Variants in SLIT1 observed in about 807,000 individuals in gnomAD.
SLIT1 encodes slit homolog 1 protein.
In SLIT1, 66 loss-of-function variants were observed where a neutral mutation model predicts 186.1. That is an observed-to-expected ratio of 0.35 (90% confidence interval 0.29 to 0.44). The LOEUF (loss-of-function observed/expected upper bound fraction) is 0.44. Ranked by LOEUF, SLIT1 falls within the 20% of genes least tolerant of loss-of-function variation. The pLI is 1.00. For missense variants in SLIT1, 1,638 were observed against 2,037.4 expected, an observed-to-expected ratio of 0.80 and a Z score of 3.77; for synonymous variants, 761 against 833.8, an observed-to-expected ratio of 0.91 and a Z score of 1.50.
At position 97,100,791 on chromosome 10, in the gene SLIT1, G is replaced by A. The variant is rs1480076794; in HGVS notation, c.414-34705C>T. On this transcript the variant is annotated intron_variant, in intron 4 of 36. Coordinates refer to ENST00000266058, the MANE Select transcript of SLIT1 (RefSeq NM_003061.3). Reference sequence around the variant, plus strand: ...CAATACTGCTCCCCACCAAGGAGGGGCTCCCACTGCCACCCGTTGGTACGC... The same window carrying A: ...CAATACTGCTCCCCACCAAGGAGGGACTCCCACTGCCACCCGTTGGTACGC... Among the ~76,000 whole-genome samples, 8 of 152,336 alleles carry A rather than the reference G, an allele frequency of 5.3e-5. No individual in the cohort carries two copies. In the East Asian group the frequency reaches 1.5e-3, roughly 29 times the overall value.
chr10:97,035,342 C>T (rs186731832), intron 22 of SLIT1, among the ~76,000 whole-genome samples: 136 of 152,254 alleles, frequency 8.9e-4, no homozygotes, highest in African/African-American at 3.1e-3. Context: ...TGGCCCCAGC[C>T]TGTCCTCTCA....
intron 14 of SLIT1, among the ~76,000 whole-genome samples, chr10:97,048,503 G>T (rs1401313557): frequency 6.6e-6 from 1 of 152,188 alleles, no homozygotes; most frequent in Non-Finnish European, 1.5e-5. Context: ...GGCTAAAAGT[G>T]GAGGGACCTG....
At chr10:97,132,746 T>C (rs1194489072) in intron 4 of SLIT1, among the ~76,000 whole-genome samples, 2 of 152,232 alleles carry the variant, frequency 1.3e-5, no homozygotes, top group African/African-American at 4.8e-5. Flanking sequence ...CGCTGGAGTT[T>C]CCTGTGCCTC....
chr10:97,017,097 T>G (rs1848460600), intron 28 of SLIT1, among the ~76,000 whole-genome samples: 1 of 152,178 alleles, frequency 6.6e-6, no homozygotes, highest in Non-Finnish European at 1.5e-5. Flanking sequence ...CAGCCCGCAT[T>G]CTGTAAGGCA....
chr10:97,141,681 T>TGTATTGTATC (rs1554853328), intron 4 of SLIT1, among the ~76,000 whole-genome samples: 1 of 140,910 alleles, frequency 7.1e-6, no homozygotes. Context: ...TGTATCGTAT[T>TGTATTGTATC]GTATCGTATC....
At chr10:97,032,372 C>G (rs187894031) in intron 23 of SLIT1, among the ~76,000 whole-genome samples, 1 of 152,074 alleles carries the variant, frequency 6.6e-6, no homozygotes, top group African/African-American at 2.4e-5. Context: ...AGTTTGAGAA[C>G]AGCCTGACCG....
In SLIT1 at chr10:97,034,982, G is replaced by A. The variant is rs1429708392; in HGVS notation, c.2367-440C>T. On this transcript the variant is annotated intron_variant, in intron 22 of 36. Transcript: ENST00000266058. ...CAGCCCCATTTGACAAAGACCCAGAGTCTCAGAGGGATCCATGACTCTTGA... is the reference window on the plus strand; with the variant it reads ...CAGCCCCATTTGACAAAGACCCAGAATCTCAGAGGGATCCATGACTCTTGA... 3.9e-5 allele frequency among the ~76,000 whole-genome samples: 6 copies of A among 152,162 alleles called. No homozygotes were observed. The South Asian group carries it at 8.3e-4, about 21-fold the overall frequency.
chr10:97,007,588 T>C (rs545631753), intron 31 of SLIT1, among the ~76,000 whole-genome samples: 110 of 152,176 alleles, frequency 7.2e-4, no homozygotes, highest in Admixed American at 2.4e-3. Context: ...AAGGATTATA[T>C]ACAATGACCA....
chr10:97,148,500 G>A (rs2784927), intron 4 of SLIT1, among the ~76,000 whole-genome samples: 126,354 of 151,578 alleles, frequency 0.83, 52,734 homozygotes, highest in Admixed American at 0.87. Context: ...GGCTGGCCTC[G>A]AACTCCTGGC....
chr10:97,092,688 A>G (rs1849246212), intron 4 of SLIT1, among the ~76,000 whole-genome samples: 2 of 152,250 alleles, frequency 1.3e-5, no homozygotes, highest in Non-Finnish European at 2.9e-5. Context: ...ACTGGTGTAT[A>G]GTAGATGCTC....
chr10:97,002,783 C>T lies in SLIT1; in HGVS notation c.4075G>A (p.Gly1359Arg). The change falls in exon 35 of 37, where the codon GGG (glycine) becomes AGG (arginine). Residue 1359 changes from glycine to arginine, a missense_variant. This residue lies in a region of SLIT1 where 173 missense variants were observed against 290.9 expected (regional missense o/e 0.59). Coordinates refer to ENST00000266058, the MANE Select transcript of SLIT1 (RefSeq NM_003061.3). ...CCAGCCTCGCAGTGGCACATGGGCC[C>T]TGGGGTGGCATTGGGCTGGCAGATG... ...HGICQPNATP[G>R]PMCHCEAGWV... 6.2e-7 allele frequency: 1 copy of T among 1,613,880 alleles called. No individual in the cohort carries two copies. Among genetic ancestry groups the T allele is most frequent in the Non-Finnish European group, 8.5e-7 (1 of 1,179,920 alleles).
At position 97,051,811 on chromosome 10, in the gene SLIT1, C is replaced by CAA. The variant is rs201020231; in HGVS notation, c.1302-2695_1302-2694dup. On this transcript the variant is annotated intron_variant, in intron 13 of 36. Transcript: ENST00000266058. ...TGGGCGACAGAGTGAAACTCCATCT[C>CAA]AAAAAAAAAAAAAAAAGAAAGGAAA... Among the ~76,000 whole-genome samples, 288 of 124,026 alleles carry CAA rather than the reference C, an allele frequency of 2.3e-3. 1 individual carries two copies. Among genetic ancestry groups the CAA allele is most frequent in the Non-Finnish European group, 3.4e-3 (207 of 61,770 alleles). 81.4% of individuals were successfully genotyped at this position (124,026 alleles called of 152,430 possible). A position where few individuals can be genotyped will look rare whatever the true frequency, so the allele number is the denominator to read the frequency against.
intron 30 of SLIT1, among the ~76,000 whole-genome samples, chr10:97,013,042 C>T (rs1848425081): frequency 6.6e-6 from 1 of 152,186 alleles, no homozygotes; most frequent in Non-Finnish European, 1.5e-5. Context: ...TACAGACCAA[C>T]AACTTTTACC....
chr10:97,167,223 C>T (rs1217440742), intron 1 of SLIT1, among the ~76,000 whole-genome samples: 1 of 152,184 alleles, frequency 6.6e-6, no homozygotes, highest in Non-Finnish European at 1.5e-5. Context: ...TTTCAATGAA[C>T]TAAATATTAT....
intron 1 of SLIT1, among the ~76,000 whole-genome samples, chr10:97,173,633 T>A (rs1049934451): frequency 6.6e-6 from 1 of 151,872 alleles, no homozygotes; most frequent in East Asian, 1.9e-4. Flanking sequence ...AAAGCCAGCG[T>A]TGGCCTCAAG....
chr10:97,050,113 A>T (rs1487883447), intron 13 of SLIT1, among the ~76,000 whole-genome samples: 6 of 152,052 alleles, frequency 3.9e-5, no homozygotes, highest in Non-Finnish European at 7.4e-5. Flanking sequence ...GTGCCACTGC[A>T]CTCCAGCCTG....
rs1004311964 is a variant in SLIT1 at position 97,000,516 on chromosome 10, G to A, written c.*596C>T. On this transcript the variant is annotated 3_prime_UTR_variant, in exon 37 of 37. Transcript: ENST00000266058. ...CCAAGCCGTGGCTGCAGAGCTGCCA[G>A]TCAGCCCAGGGGGCAAGGGTCCGAC... The A allele has an allele frequency of 6.6e-6, 1 of 152,484 alleles. No homozygotes were observed. The highest frequency in any genetic ancestry group is 6.5e-5 in the Admixed American group (1 of 15,298). The allele number at this position is 152,484 out of a possible 1,614,324, so 9.4% of individuals were successfully genotyped here.
At position 97,049,091 on chromosome 10, in the gene SLIT1, G is replaced by A. The variant is rs745617207; in HGVS notation, c.1329C>T (p.Cys443=). The A allele has an allele frequency of 1.2e-5, 20 of 1,613,548 alleles. No homozygotes were observed. Among genetic ancestry groups the A allele is most frequent in the African/African-American group, 6.7e-5 (5 of 74,952 alleles). Residue 443 remains cysteine, a synonymous_variant, in exon 14 of 37, where the codon TGC becomes TGT. Transcript: ENST00000266058. ...TLHLAQNPFI[C]DCNLKWLADF... ...CTGCCAGCCACTTGAGGTTACAGTC[G>A]CAAATGAAAGGGTTCTGCGCCAGGT...
chr10:97,146,619 C>T (rs1849821335), intron 4 of SLIT1, among the ~76,000 whole-genome samples: 1 of 150,960 alleles, frequency 6.6e-6, no homozygotes, highest in Non-Finnish European at 1.5e-5. Context: ...GCACTAAACC[C>T]TAAATAACTG....
Sources: allele counts gnomAD v4.1 joint callset (sites outside exome capture counted in the v4.1 genomes callset), GRCh38; gene constraint gnomAD v4.1.1; regional missense constraint gnomAD v4.1.1; transcripts MANE v1.5; gene names NCBI Gene and HGNC (gene_info 2026-07-23, HGNC 2026-07-21).